PCDHGA4: variants seen among roughly 807,000 people sequenced by gnomAD.
The protein encoded by PCDHGA4 is protocadherin gamma-A4.
PCDHGA4 carries 38 observed loss-of-function variants against 54.6 expected under a neutral mutation model. That is an observed-to-expected ratio of 0.70 (90% CI 0.54 to 0.91). The LOEUF (loss-of-function observed/expected upper bound fraction) is 0.91. Among genes scored for constraint, PCDHGA4 ranks in the 40% least tolerant of loss-of-function variants. The probability of loss-of-function intolerance (pLI) is 0.00; values close to 1 mark genes in which losing one functional copy is unlikely to be tolerated. For missense variants in PCDHGA4, 1,298 were observed against 1,220.9 expected, an observed-to-expected ratio of 1.06 and a Z score of -0.94; for synonymous variants, 511 against 512.9, an observed-to-expected ratio of 1.00 and a Z score of 0.05.
Position 141,478,507 on chromosome 5 carries a change from T to C in PCDHGA4, c.2515-16300T>C, listed in dbSNP as rs781120326. The C allele has an allele frequency of 4.3e-6, 7 of 1,612,048 alleles. No homozygotes were observed. In the East Asian group the frequency reaches 1.3e-4, roughly 31 times the overall value. On this transcript the variant is annotated intron_variant, in intron 1 of 3. Transcript: ENST00000571252. The stretch of plus-strand genomic sequence containing the variant: ...TGCGGAGCTGTGATCCGGTGTTCTA[T>C]AGGCAGGTGTTGGGTGCAGAGAGCG...
At chr5:141,384,283 G>T (rs762515266) in intron 1 of PCDHGA4, 17 of 1,613,644 alleles carry the variant, frequency 1.1e-5, no homozygotes, top group Admixed American at 1.7e-5. Flanking sequence ...AGTCTACATC[G>T]CTGAGAACAA....
At chr5:141,371,593 A>G in intron 1 of PCDHGA4, 1 of 1,613,972 alleles carries the variant, frequency 6.2e-7, no homozygotes, top group Non-Finnish European at 8.5e-7. Context: ...GATACCAAAA[A>G]CACATACAGG....
At chr5:141,470,025 A>T (rs2099219670) in intron 1 of PCDHGA4, among the ~76,000 whole-genome samples, 1 of 152,156 alleles carries the variant, frequency 6.6e-6, no homozygotes, top group African/African-American at 2.4e-5. Context: ...GCTACTCGGG[A>T]TGCTGAGGCG....
intron 1 of PCDHGA4, chr5:141,420,364 ACTT>A (rs746817317): frequency 1.3e-4 from 174 of 1,368,558 alleles, no homozygotes; most frequent in Non-Finnish European, 1.6e-4. Context: ...ATTCTAGATA[ACTT>A]CTTCATAGAG....
At chr5:141,427,470 G>A (rs765970767) in intron 1 of PCDHGA4, 8 of 509,992 alleles carry the variant, frequency 1.6e-5, no homozygotes, top group African/African-American at 7.7e-5. Flanking sequence ...CGAATCTTCC[G>A]CCAATAATGA....
At position 141,491,872 on chromosome 5, in the gene PCDHGA4, G is replaced by A; in HGVS notation, c.2515-2935G>A. On this transcript the variant is annotated intron_variant, in intron 1 of 3. Transcript: ENST00000571252. The surrounding 1 kb of genome is among the most constrained non-coding windows in gnomAD (Gnocchi z 6.9). ...CCGTTTGCGCGAAACCAGAGTGGCCGATTAAGGGATGGGGCTCCGAGCACC... is the reference window on the plus strand; with the variant it reads ...CCGTTTGCGCGAAACCAGAGTGGCCAATTAAGGGATGGGGCTCCGAGCACC... 6.9e-7 allele frequency: 1 copy of A among 1,452,190 alleles called. No individual in the cohort carries two copies. The highest frequency in any genetic ancestry group is 9.1e-7 in the Non-Finnish European group (1 of 1,098,644). The allele number at this position is 1,452,190 out of a possible 1,614,324, so 90.0% of individuals were successfully genotyped here.
At chr5:141,361,887 C>T in intron 1 of PCDHGA4, 2 of 1,610,304 alleles carry the variant, frequency 1.2e-6, no homozygotes, top group Non-Finnish European at 1.7e-6. Flanking sequence ...CCGCAGAGCC[C>T]GGCTACCTGG....
intron 1 of PCDHGA4, chr5:141,415,851 T>A: frequency 8.1e-7 from 1 of 1,228,614 alleles, no homozygotes; most frequent in Non-Finnish European, 1.1e-6. Flanking sequence ...TTGCAGAACC[T>A]TGTAGTTTAT....
intron 1 of PCDHGA4, among the ~76,000 whole-genome samples, chr5:141,429,503 C>T (rs890656634): frequency 1.3e-5 from 2 of 151,922 alleles, no homozygotes; most frequent in Admixed American, 6.6e-5. Context: ...TTGCCTGAAA[C>T]TGTGCCTGGC....
At chr5:141,389,631 G>A (rs1390648430) in intron 1 of PCDHGA4, 15 of 1,612,998 alleles carry the variant, frequency 9.3e-6, no homozygotes, top group African/African-American at 1.3e-5. Flanking sequence ...TGCAGAGCCT[G>A]GCTACTTGGT....
At chr5:141,398,282 C>T in intron 1 of PCDHGA4, 2 of 1,401,814 alleles carry the variant, frequency 1.4e-6, no homozygotes, top group South Asian at 2.6e-5. Context: ...AACCTCGCCA[C>T]GGACCTGGGG....
intron 1 of PCDHGA4, chr5:141,415,853 GTAGT>G: frequency 2.5e-6 from 3 of 1,186,350 alleles, no homozygotes; most frequent in Non-Finnish European, 3.3e-6. Context: ...GCAGAACCTT[GTAGT>G]TTATAGTGTT....
intron 1 of PCDHGA4, chr5:141,419,373 TGTCC>T (rs761256298): frequency 6.2e-7 from 1 of 1,613,754 alleles, no homozygotes; most frequent in South Asian, 1.1e-5. Context: ...TCGTCCTACG[TGTCC>T]GTGAGCGCGC....
chr5:141,458,695 G>T (rs551105765), intron 1 of PCDHGA4, among the ~76,000 whole-genome samples: 2 of 151,734 alleles, frequency 1.3e-5, no homozygotes, highest in Non-Finnish European at 2.9e-5. Context: ...TCAGCCTCCC[G>T]AGTAGCTGGG....
intron 1 of PCDHGA4, chr5:141,360,455 A>C (rs369787624): frequency 6.2e-7 from 1 of 1,613,862 alleles, no homozygotes; most frequent in Non-Finnish European, 8.5e-7. Context: ...CTGGATTTCG[A>C]TACTGTCGCT....
At chr5:141,417,340 C>T (rs981474163) in intron 1 of PCDHGA4, 2 of 152,874 alleles carry the variant, frequency 1.3e-5, no homozygotes, top group African/African-American at 4.8e-5. Context: ...GATAGGAGAC[C>T]TATAAACCTT....
Position 141,485,606 on chromosome 5 carries a change from G to T in PCDHGA4, c.2515-9201G>T, listed in dbSNP as rs2099616630. On this transcript the variant is annotated intron_variant, in intron 1 of 3. Transcript: ENST00000571252. The surrounding 1 kb of genome is among the most constrained non-coding windows in gnomAD (Gnocchi z 5.7). ...GCAGCTGGACTTGGAAATTGGGGAG[G>T]CAGCTCCTCCAGGACAGCGTTTCCC... is the stretch of plus-strand genomic sequence containing the variant. 1.2e-6 allele frequency: 2 copies of T among 1,612,362 alleles called. No homozygotes were observed. The highest frequency in any genetic ancestry group is 4.5e-5 in the East Asian group (2 of 44,840).
chr5:141,408,556 T>C (rs1215804867), intron 1 of PCDHGA4: 3 of 1,613,940 alleles, frequency 1.9e-6, no homozygotes, highest in Non-Finnish European at 2.5e-6. Context: ...ATATTTTTCA[T>C]GTCATTGTGG....
Position 141,485,716 on chromosome 5 carries a change from T to C in PCDHGA4, c.2515-9091T>C. Reference sequence around the variant, plus strand: ...GCTCCAATGAACACTTTGCACTGGATGTGAAGAAGCGCAGCGACGGCAGCC... The same window carrying C: ...GCTCCAATGAACACTTTGCACTGGACGTGAAGAAGCGCAGCGACGGCAGCC... On this transcript the variant is annotated intron_variant, in intron 1 of 3. Coordinates refer to ENST00000571252, the MANE Select transcript of PCDHGA4 (RefSeq NM_018917.4). The surrounding 1 kb of genome is among the most constrained non-coding windows in gnomAD (Gnocchi z 5.7). The C allele has an allele frequency of 6.2e-7, 1 of 1,614,044 alleles. No individual in the cohort carries two copies. Among genetic ancestry groups the C allele is most frequent in the Non-Finnish European group, 8.5e-7 (1 of 1,180,002 alleles).
Sources: gnomAD v4.1 joint callset for allele counts (sites outside exome capture counted in the v4.1 genomes callset) on GRCh38, gnomAD v4.1.1 for gene constraint, Gnocchi (gnomAD v3.1) non-coding constraint, MANE v1.5 for transcripts, NCBI Gene and HGNC (gene_info 2026-07-23, HGNC 2026-07-21) for gene names.